The following TMEM39A variants were observed in gnomAD, a reference collection of about 807,000 sequenced individuals.
TMEM39A encodes transmembrane protein 39A.
A neutral mutation model predicts 51.9 loss-of-function variants in TMEM39A; 19 were observed. That is an observed-to-expected ratio of 0.37 (90% CI 0.26 to 0.54). The LOEUF is 0.54. TMEM39A is among the 20% of genes least tolerant of loss of function. The probability of loss-of-function intolerance (pLI) is 0.88; values close to 1 mark genes in which losing one functional copy is unlikely to be tolerated. For missense variants in TMEM39A, 433 were observed against 590.5 expected (o/e 0.73, Z 2.76); for synonymous variants, 197 against 220.2 (o/e 0.89, Z 0.93).
intron 5 of TMEM39A, among the ~76,000 whole-genome samples, chr3:119,445,125 G>C (rs994517332): frequency 6.6e-6 from 1 of 152,098 alleles, no homozygotes; most frequent in Non-Finnish European, 1.5e-5. Flanking sequence ...GGTTTGATGG[G>C]AAAGTGGCAT....
intron 1 of TMEM39A, among the ~76,000 whole-genome samples, chr3:119,462,633 A>AGGGGGGGGGGGG (rs1200172060): frequency 4.4e-4 from 1 of 2,264 alleles, no homozygotes; most frequent in Non-Finnish European, 7.1e-4. Context: ...TGTTTCTTCA[A>AGGGGGGGGGGGG]GGGGGGGGGG....
intron 8 of TMEM39A, 53 bp downstream of exon 8, chr3:119,434,709 C>G (rs1299737240): frequency 3.6e-5 from 57 of 1,601,522 alleles, no homozygotes; most frequent in Non-Finnish European, 4.8e-5. Flanking sequence ...ATAGAGTGGC[C>G]TCCTAACACT....
At chr3:119,437,722 C>T in intron 6 of TMEM39A, 33 bp downstream of exon 6, 1 of 1,454,666 alleles carries the variant, frequency 6.9e-7, no homozygotes, top group South Asian at 1.4e-5. Flanking sequence ...CACACAAATC[C>T]AGGAAGCACA....
chr3:119,451,966 T>C (rs2081206481), intron 4 of TMEM39A, among the ~76,000 whole-genome samples: 1 of 152,176 alleles, frequency 6.6e-6, no homozygotes, highest in African/African-American at 2.4e-5. Context: ...ATTCTAATCT[T>C]CAGATTAATC....
intron 7 of TMEM39A, 139 bp downstream of exon 7, chr3:119,436,652 A>G (rs1474770060): frequency 2.2e-6 from 2 of 900,112 alleles, no homozygotes; most frequent in South Asian, 1.6e-5. Flanking sequence ...TCAGTTTAGC[A>G]TGATGACAAG....
Position 119,438,056 on chromosome 3 carries a change from G to C in TMEM39A, c.623C>G (p.Ala208Gly). ...GTTGTAGTCTGTGAGAAGAAGATGT[G>C]CTCTACTATCTTGATGAAAACAGCA... ...PLCCFHQDSR[A>G]HLLLTDYNYV... The change falls in exon 6 of 9, where the codon GCA (alanine) becomes GGA (glycine). Residue 208 changes from alanine to glycine, a missense_variant. By Grantham distance (60) the Ala-to-Gly change is moderately conservative. Transcript: ENST00000319172. 9 of 1,606,082 alleles carry C rather than the reference G, an allele frequency of 5.6e-6. No homozygotes were observed. Among genetic ancestry groups the C allele is most frequent in the Non-Finnish European group, 7.7e-6 (9 of 1,173,216 alleles).
intron 8 of TMEM39A, among the ~76,000 whole-genome samples, chr3:119,432,486 T>G (rs1222347639): frequency 6.6e-6 from 1 of 152,096 alleles, no homozygotes; most frequent in Non-Finnish European, 1.5e-5. Context: ...CTTATAAACA[T>G]TTTTCTTAGA....
chr3:119,443,063 C>A (rs1373883835), intron 5 of TMEM39A, among the ~76,000 whole-genome samples: 77 of 53,078 alleles, frequency 1.5e-3, no homozygotes, highest in African/African-American at 3.8e-3. Context: ...GACCCTGTCT[C>A]AAAAAAAAAA....
rs1560004601 is a variant in TMEM39A, at chr3:119,429,537, TCTA to T, written c.*2441_*2443del. On this transcript the variant is annotated 3_prime_UTR_variant, in exon 9 of 9. Coordinates refer to ENST00000319172, the MANE Select transcript of TMEM39A (RefSeq NM_018266.3). The stretch of plus-strand genomic sequence containing the variant: ...TCATTCTTTAATGATTACACATTTT[TCTA>T]CTATCAGTGAGCAAATATAGTGTCC... 2 of 152,286 alleles carry T rather than the reference TCTA, an allele frequency of 1.3e-5. No individual in the cohort carries two copies. Among genetic ancestry groups the T allele is most frequent in the East Asian group, 3.9e-4 (2 of 5,192 alleles). 9.4% of individuals were successfully genotyped at this position (152,286 alleles called of 1,614,324 possible).
chr3:119,436,410 T>C (rs1157700403), intron 7 of TMEM39A, among the ~76,000 whole-genome samples: 3 of 152,212 alleles, frequency 2.0e-5, no homozygotes, highest in Non-Finnish European at 4.4e-5. Context: ...GATGAATAGC[T>C]AGCAACTACT....
At chr3:119,453,786 T>TA (rs2081230074) in intron 3 of TMEM39A, among the ~76,000 whole-genome samples, 1 of 152,252 alleles carries the variant, frequency 6.6e-6, no homozygotes, top group African/African-American at 2.4e-5. Flanking sequence ...GCCACCCTGT[T>TA]ATGGCAGCTA....
At chr3:119,432,334 T>C (rs1178787382) in intron 8 of TMEM39A, 120 bp from the exon 9 acceptor site, 5 of 635,142 alleles carry the variant, frequency 7.9e-6, no homozygotes, top group African/African-American at 5.6e-5. Flanking sequence ...TAATAATAAA[T>C]AGATCTGTTT....
At chr3:119,434,060 T>C (rs2080934744) in intron 8 of TMEM39A, among the ~76,000 whole-genome samples, 1 of 152,188 alleles carries the variant, frequency 6.6e-6, no homozygotes, top group African/African-American at 2.4e-5. Flanking sequence ...CACTGCACTA[T>C]AGGCATTTTT....
chr3:119,441,732 C>T (rs1195535992), intron 5 of TMEM39A, among the ~76,000 whole-genome samples: 1 of 152,172 alleles, frequency 6.6e-6, no homozygotes, highest in African/African-American at 2.4e-5. Context: ...GACAAAACAG[C>T]CTTATACTGT....
chr3:119,431,816 C>T lies in TMEM39A; in HGVS notation c.*165G>A. On this transcript the variant is annotated 3_prime_UTR_variant, in exon 9 of 9. Transcript: ENST00000319172. ...TATACTAACACATGAAAGATCACAT[C>T]ACCTTGTTTACGGATACATTTAATA... 1 of 496,636 alleles carries T rather than the reference C, an allele frequency of 2.0e-6. No individual in the cohort carries two copies. The highest frequency in any genetic ancestry group is 3.7e-5 in the South Asian group (1 of 27,370). The allele number at this position is 496,636 out of a possible 1,614,324, so 30.8% of individuals were successfully genotyped here.
At chr3:119,450,589 AG>A (rs2081184810) in intron 4 of TMEM39A, among the ~76,000 whole-genome samples, 1 of 152,178 alleles carries the variant, frequency 6.6e-6, no homozygotes, top group Admixed American at 6.5e-5. Flanking sequence ...TGGGAGGCCA[AG>A]GTGGGTGGAT....
rs60326718 is a variant in TMEM39A at position 119,450,826 on chromosome 3, CAAAAAAAAAAAAAAA to C, written c.420+1606_420+1620del. 2.0e-3 allele frequency among the ~76,000 whole-genome samples: 110 copies of C among 55,912 alleles called. 1 individual carries two copies. The highest frequency in any genetic ancestry group is 7.3e-3 in the African/African-American group (101 of 13,752). The allele number at this position is 55,912 out of a possible 152,430, so 36.7% of individuals were successfully genotyped here. On this transcript the variant is annotated intron_variant, in intron 4 of 8. Coordinates refer to ENST00000319172, the MANE Select transcript of TMEM39A (RefSeq NM_018266.3). ...TAGGCGACAGAGCCAGACTCCATCT[CAAAAAAAAAAAAAAA>C]AAAAAAAAAAGAATTGCAAGCCTAT...
intron 5 of TMEM39A, among the ~76,000 whole-genome samples, chr3:119,442,342 CAAA>C (rs34133941): frequency 3.9e-5 from 4 of 101,596 alleles, no homozygotes; most frequent in Non-Finnish European, 4.2e-5. Flanking sequence ...GACTCCATCT[CAAA>C]AAAAAAAAAA....
chr3:119,437,695 C>A, intron 6 of TMEM39A, 60 bp downstream of exon 6: 2 of 1,331,276 alleles, frequency 1.5e-6, no homozygotes, highest in Admixed American at 2.3e-5. Context: ...CAAGAAATAC[C>A]CAGTTTATGT....
Sources: allele counts gnomAD v4.1 joint callset (sites outside exome capture counted in the v4.1 genomes callset), GRCh38; gene constraint gnomAD v4.1.1; transcripts MANE v1.5; gene names NCBI Gene and HGNC (gene_info 2026-07-23, HGNC 2026-07-21).